The following NPAS3 variants were observed in gnomAD, a reference collection of about 807,000 sequenced individuals.
NPAS3 encodes the protein neuronal PAS domain-containing protein 3.
NPAS3 carries 14 observed loss-of-function variants against 73.1 expected under a neutral mutation model. The ratio of observed to expected loss-of-function variants is 0.19; its 90% CI spans 0.13 to 0.30. NPAS3 has a LOEUF of 0.30. NPAS3 is among the 10% of genes least tolerant of loss of function. The pLI is 1.00. For synonymous variants in NPAS3, 620 were observed against 541.5 expected (o/e 1.14, Z -2.01); for missense variants, 1,096 against 1,250.0 (o/e 0.88, Z 1.86).
At chr14:33,723,086 A>T (rs1464002204) in intron 6 of NPAS3, among the ~76,000 whole-genome samples, 2 of 152,198 alleles carry the variant, frequency 1.3e-5, no homozygotes, top group African/African-American at 2.4e-5. Context: ...CCCCATACCT[A>T]AGATGGCAAA....
chr14:33,380,181 G>A (rs2046484771), intron 4 of NPAS3, among the ~76,000 whole-genome samples: 1 of 152,118 alleles, frequency 6.6e-6, no homozygotes, highest in Admixed American at 6.5e-5. Context: ...GGAAGGAACA[G>A]CTGATTTTAA....
chr14:33,215,701 C>T, intron 3 of NPAS3: 1 of 644,784 alleles, frequency 1.6e-6, no homozygotes, highest in Non-Finnish European at 2.8e-6. Flanking sequence ...CATTAAAATG[C>T]TTCTTGGGTT....
chr14:33,724,376 G>A (rs577690489), intron 6 of NPAS3, among the ~76,000 whole-genome samples: 36 of 152,300 alleles, frequency 2.4e-4, no homozygotes, highest in African/African-American at 8.2e-4. Context: ...GCTCATGTCT[G>A]TAATCCTAGC....
intron 7 of NPAS3, among the ~76,000 whole-genome samples, chr14:33,753,309 T>C (rs957656108): frequency 2.0e-5 from 3 of 150,314 alleles, no homozygotes; most frequent in Non-Finnish European, 4.4e-5. Flanking sequence ...TCTGTAGCTG[T>C]CAGGATTATA....
intron 4 of NPAS3, among the ~76,000 whole-genome samples, chr14:33,529,349 A>G (rs2053940656): frequency 6.6e-6 from 1 of 152,154 alleles, no homozygotes; most frequent in Admixed American, 6.6e-5. Context: ...TATTGAGAGC[A>G]TGCCTCAGGG....
chr14:33,292,161 G>T (rs961311640), intron 3 of NPAS3, among the ~76,000 whole-genome samples: 1 of 152,114 alleles, frequency 6.6e-6, no homozygotes, highest in Admixed American at 6.6e-5. Context: ...ACATTCCAGG[G>T]TGTTTCAAAA....
At chr14:33,521,841 A>G (rs1467091717) in intron 4 of NPAS3, among the ~76,000 whole-genome samples, 1 of 152,156 alleles carries the variant, frequency 6.6e-6, no homozygotes, top group Non-Finnish European at 1.5e-5. Flanking sequence ...CATCTCGGAA[A>G]TGCTAAATAA....
intron 6 of NPAS3, among the ~76,000 whole-genome samples, chr14:33,707,974 G>A (rs773791453): frequency 2.6e-5 from 4 of 152,198 alleles, no homozygotes; most frequent in East Asian, 1.9e-4. Context: ...ATGTGGGAAC[G>A]TGGAAGAAAG....
chr14:33,158,524 G>T lies in NPAS3; in HGVS notation c.141-56658G>T, dbSNP rs564557620. 2.6e-5 allele frequency among the ~76,000 whole-genome samples: 4 copies of T among 152,284 alleles called. No homozygotes were observed. In the South Asian group the frequency reaches 6.2e-4, roughly 24 times the overall value. On this transcript the variant is annotated intron_variant, in intron 2 of 11. Transcript: ENST00000356141. ...AGTCATAAAAACCTAAGAACTAAAG[G>T]TGGCAGAAGTATTAAAAAACAAAAG...
At chr14:33,437,324 C>G (rs1330534712) in intron 4 of NPAS3, among the ~76,000 whole-genome samples, 1 of 152,060 alleles carries the variant, frequency 6.6e-6, no homozygotes, top group Non-Finnish European at 1.5e-5. Context: ...GGTATAGAAC[C>G]AATTTTTCCA....
At chr14:33,770,771 A>C (rs1261891465) in intron 7 of NPAS3, among the ~76,000 whole-genome samples, 2 of 152,128 alleles carry the variant, frequency 1.3e-5, no homozygotes, top group African/African-American at 4.8e-5. Flanking sequence ...ATGGTGGTGC[A>C]TGCCTGTAAT....
intron 2 of NPAS3, among the ~76,000 whole-genome samples, chr14:33,084,837 G>A (rs4981174): frequency 0.33 from 50,701 of 151,948 alleles, 8,715 homozygotes; most frequent in African/African-American, 0.43. Flanking sequence ...CTAGTAAACA[G>A]ATGGCACTGG....
At chr14:32,990,130 A>T (rs530164126) in intron 1 of NPAS3, among the ~76,000 whole-genome samples, 1 of 152,332 alleles carries the variant, frequency 6.6e-6, no homozygotes, top group South Asian at 2.1e-4. Flanking sequence ...GAAGATCATG[A>T]GTCCTATTTT....
intron 3 of NPAS3, among the ~76,000 whole-genome samples, chr14:33,361,792 A>G (rs2045615370): frequency 6.6e-6 from 1 of 152,182 alleles, no homozygotes; most frequent in Non-Finnish European, 1.5e-5. Context: ...CTAAATAGGA[A>G]TTTAAAAATA....
intron 5 of NPAS3, chr14:33,586,083 G>C (rs924659774): frequency 6.6e-6 from 1 of 151,908 alleles, no homozygotes; most frequent in African/African-American, 2.4e-5. Flanking sequence ...TATCTGTTAA[G>C]AGACAATCAT....
chr14:33,172,755 T>A (rs878945798), intron 2 of NPAS3, among the ~76,000 whole-genome samples: 1 of 151,580 alleles, frequency 6.6e-6, no homozygotes, highest in African/African-American at 2.4e-5. Flanking sequence ...AAAAAAAAAT[T>A]AAAAATTGCA....
chr14:33,044,163 A>G (rs969982718), intron 1 of NPAS3, among the ~76,000 whole-genome samples: 4 of 152,224 alleles, frequency 2.6e-5, no homozygotes, highest in Admixed American at 6.5e-5. Flanking sequence ...GAGGAGGCCA[A>G]CGTTAACTAT....
At chr14:33,717,398 G>A (rs929458121) in intron 6 of NPAS3, among the ~76,000 whole-genome samples, 1 of 152,018 alleles carries the variant, frequency 6.6e-6, no homozygotes, top group Non-Finnish European at 1.5e-5. Flanking sequence ...ACTTCTCCCT[G>A]AAATCCTAAC....
Position 33,757,532 on chromosome 14 carries a change from G to A in NPAS3, c.853-16805G>A, listed in dbSNP as rs190766790. On this transcript the variant is annotated intron_variant, in intron 7 of 11. Coordinates refer to ENST00000356141, the Ensembl canonical transcript of NPAS3. ...ATGCAGGATGGACCAGAGTGGGGAAGAATACGATGGGGGAAAAAATGAGAG... is the reference window on the plus strand; with the variant it reads ...ATGCAGGATGGACCAGAGTGGGGAAAAATACGATGGGGGAAAAAATGAGAG... Among the ~76,000 whole-genome samples, 1,424 of 152,296 alleles carry A rather than the reference G, an allele frequency of 9.4e-3. 31 individuals carry two copies. The highest frequency in any genetic ancestry group is 0.032 in the African/African-American group (1,344 of 41,564).
Sources: allele counts gnomAD v4.1 joint callset (sites outside exome capture counted in the v4.1 genomes callset), GRCh38; gene constraint gnomAD v4.1.1; transcripts MANE v1.5; gene names NCBI Gene and HGNC (gene_info 2026-07-23, HGNC 2026-07-21).